JMJD1C: variants seen among roughly 807,000 people sequenced by gnomAD.
JMJD1C encodes the protein jumonji domain-containing protein 1C.
Under a neutral mutation model 245.3 loss-of-function variants are expected in JMJD1C, and 31 were observed. That is an observed-to-expected ratio of 0.13 (90% CI 0.09 to 0.17). The LOEUF (loss-of-function observed/expected upper bound fraction) is 0.17, where lower values mean the gene tolerates loss of function less well. JMJD1C is among the 10% of genes least tolerant of loss of function. The probability of loss-of-function intolerance (pLI) is 1.00; values close to 1 mark genes in which losing one functional copy is unlikely to be tolerated. For synonymous variants in JMJD1C, 1,057 were observed against 1,017.4 expected (o/e 1.04, Z -0.74); for missense variants, 2,691 against 3,000.2 (o/e 0.90, Z 2.41).
chr10:63,471,483 AC>A (rs1953490938), intron 1 of JMJD1C, among the ~76,000 whole-genome samples: 1 of 152,178 alleles, frequency 6.6e-6, no homozygotes, highest in African/African-American at 2.4e-5. Flanking sequence ...GTAGGTTCAA[AC>A]CCCCAAAATG....
At chr10:63,427,957 C>T (rs1950537508) in intron 1 of JMJD1C, 2 of 703,270 alleles carry the variant, frequency 2.8e-6, no homozygotes, top group East Asian at 2.7e-5. Flanking sequence ...GTGTGGCCAG[C>T]TCATTGCCAC....
At chr10:63,194,882 G>A (rs866639361) in intron 13 of JMJD1C, among the ~76,000 whole-genome samples, 3 of 152,148 alleles carry the variant, frequency 2.0e-5, no homozygotes, top group African/African-American at 7.2e-5. Context: ...TTCAAATAAG[G>A]TTTCATCCCT....
At chr10:63,190,842 A>T in intron 17 of JMJD1C, 52 bp downstream of exon 17, 1 of 1,402,826 alleles carries the variant, frequency 7.1e-7, no homozygotes, top group Non-Finnish European at 1.0e-6. Flanking sequence ...TAAGTCTCCA[A>T]ATCATCTCTA....
Position 63,465,879 on chromosome 10 carries a change from G to A in JMJD1C, c.-217C>T, listed in dbSNP as rs1470420855. 1.5e-6 allele frequency: 1 copy of A among 674,310 alleles called. No individual in the cohort carries two copies. The highest frequency in any genetic ancestry group is 2.7e-6 in the Non-Finnish European group (1 of 370,346). The allele number at this position is 674,310 out of a possible 1,614,324, so 41.8% of individuals were successfully genotyped here. A position where few individuals can be genotyped will look rare whatever the true frequency, so the allele number is the denominator to read the frequency against. ...TTTGGACTCCCAGATTCGCAGCCTT[G>A]TGCTGCAGCGCCACACAAGAAAACT... On this transcript the variant is annotated 5_prime_UTR_variant, in exon 1 of 26. Coordinates refer to ENST00000399262, the MANE Select transcript of JMJD1C (RefSeq NM_032776.3).
intron 1 of JMJD1C, among the ~76,000 whole-genome samples, chr10:63,514,873 G>T (rs914088619): frequency 2.6e-5 from 4 of 152,118 alleles, no homozygotes; most frequent in Admixed American, 2.6e-4. Flanking sequence ...GTTTGGTTTG[G>T]TCTCCTCAAA....
At chr10:63,297,047 C>T (rs1237052647) in intron 2 of JMJD1C, among the ~76,000 whole-genome samples, 3 of 152,282 alleles carry the variant, frequency 2.0e-5, no homozygotes, top group South Asian at 2.1e-4. Context: ...CAGTCATCTC[C>T]TTTGGCATCT....
chr10:63,396,868 T>C (rs909436860), intron 1 of JMJD1C, among the ~76,000 whole-genome samples: 2 of 150,570 alleles, frequency 1.3e-5, no homozygotes, highest in Non-Finnish European at 3.0e-5. Context: ...CTCAGTTTCA[T>C]AGAAATTTTC....
intron 1 of JMJD1C, among the ~76,000 whole-genome samples, chr10:63,417,143 A>T (rs564609273): frequency 6.6e-6 from 1 of 152,222 alleles, no homozygotes; most frequent in East Asian, 1.9e-4. Context: ...TTTTACCCAA[A>T]CCATCTTGAA....
intron 1 of JMJD1C, among the ~76,000 whole-genome samples, chr10:63,411,029 G>A (rs184835186): frequency 9.2e-5 from 14 of 152,286 alleles, no homozygotes; most frequent in Non-Finnish European, 1.9e-4. Context: ...ATAAACTTCT[G>A]TTGTTTCCAT....
intron 1 of JMJD1C, among the ~76,000 whole-genome samples, chr10:63,493,700 TA>T (rs1954256237): frequency 6.6e-6 from 1 of 152,218 alleles, no homozygotes; most frequent in Non-Finnish European, 1.5e-5. Context: ...CAACAGCACC[TA>T]AAACAGAAGC....
intron 2 of JMJD1C, among the ~76,000 whole-genome samples, chr10:63,376,541 T>C (rs188479684): frequency 9.3e-4 from 142 of 151,980 alleles, no homozygotes; most frequent in Admixed American, 2.8e-3. Context: ...GGGATTAATA[T>C]CAAGAATACA....
chr10:63,455,404 G>C (rs919382578), intron 1 of JMJD1C, among the ~76,000 whole-genome samples: 1 of 152,152 alleles, frequency 6.6e-6, no homozygotes, highest in Non-Finnish European at 1.5e-5. Context: ...TGACAATCAT[G>C]AACTTTAGTC....
intron 14 of JMJD1C, chr10:63,193,750 T>C: frequency 4.6e-6 from 1 of 217,126 alleles, no homozygotes; most frequent in Non-Finnish European, 9.1e-6. Context: ...CACTGCAAGC[T>C]CCGCCCCCCA....
At chr10:63,243,173 A>T (rs2133532132) in intron 3 of JMJD1C, among the ~76,000 whole-genome samples, 1 of 148,980 alleles carries the variant, frequency 6.7e-6, no homozygotes, top group East Asian at 2.0e-4. Context: ...TCTCAATAGA[A>T]TTTAGTAACT....
chr10:63,466,820 C>T (rs1158367238), upstream of JMJD1C, among the ~76,000 whole-genome samples: 5 of 152,186 alleles, frequency 3.3e-5, no homozygotes, highest in African/African-American at 1.2e-4. Context: ...TACAATCGGA[C>T]TCCCTAACCC....
chr10:63,386,569 T>C (rs1036444981), intron 1 of JMJD1C, among the ~76,000 whole-genome samples: 3 of 152,178 alleles, frequency 2.0e-5, no homozygotes, highest in South Asian at 2.1e-4. Flanking sequence ...TCTACCACCA[T>C]TGGTACCTGA....
chr10:63,363,791 C>G (rs564053654), intron 2 of JMJD1C, among the ~76,000 whole-genome samples: 14 of 151,914 alleles, frequency 9.2e-5, no homozygotes, highest in Admixed American at 3.3e-4. Context: ...TGATCCTCCC[C>G]CTCTGGCCCC....
chr10:63,485,832 G>C (rs1162632150), intron 1 of JMJD1C, among the ~76,000 whole-genome samples: 1 of 152,098 alleles, frequency 6.6e-6, no homozygotes, highest in Admixed American at 6.6e-5. Context: ...TGTATGCCAG[G>C]TACTGTTGCC....
At chr10:63,366,182 T>TA (rs903906985) in intron 2 of JMJD1C, among the ~76,000 whole-genome samples, 7 of 152,184 alleles carry the variant, frequency 4.6e-5, no homozygotes, top group African/African-American at 1.7e-4. Context: ...AGCAGGAGAC[T>TA]AAAGGTCAGC....
Sources: allele counts gnomAD v4.1 joint callset (sites outside exome capture counted in the v4.1 genomes callset), GRCh38; gene constraint gnomAD v4.1.1; transcripts MANE v1.5; gene names NCBI Gene and HGNC (gene_info 2026-07-23, HGNC 2026-07-21).